MGAM: variants seen among roughly 807,000 people sequenced by gnomAD.
MGAM encodes maltase-glucoamylase, also known as alpha-1,4-glucosidase.
A neutral mutation model predicts 358.8 loss-of-function variants in MGAM; 253 were observed. That is an observed-to-expected ratio of 0.71 (90% CI 0.64 to 0.78). MGAM has a LOEUF of 0.78. MGAM is among the 30% of genes least tolerant of loss of function. The pLI is 0.00. For missense variants in MGAM, 3,080 were observed against 3,432.6 expected (o/e 0.90, Z 2.57); for synonymous variants, 1,105 against 1,227.1 (o/e 0.90, Z 2.08).
In MGAM at chr7:142,056,881, T is replaced by A; in HGVS notation, c.3632T>A (p.Val1211Asp). ...PALTYRTTGG[V>D]LDFYVFLGPT... is the part of the protein sequence containing the mutation. ...TTGACATACCGCACCACAGGGGGAG[T>A]TCTGGACTTTTATGTGTTCTTGGGG... The change falls in exon 30 of 71, where the codon GTT becomes GAT. Residue 1211 changes from valine to aspartate, a missense_variant. Physicochemically the swap from Val to Asp is radical, Grantham distance 152 (BLOSUM62 -3). Coordinates refer to ENST00000475668, the MANE Select transcript of MGAM (RefSeq NM_001365693.1). The A allele has an allele frequency of 6.2e-7, 1 of 1,613,610 alleles. No individual in the cohort carries two copies. The highest frequency in any genetic ancestry group is 8.5e-7 in the Non-Finnish European group (1 of 1,179,780).
rs565781815 is a variant in MGAM, at chr7:142,079,513, T to C, written c.5847+505T>C. 1.4e-5 allele frequency among the ~76,000 whole-genome samples: 2 copies of C among 145,868 alleles called. 1 individual carries two copies. Among genetic ancestry groups the C allele is most frequent in the African/African-American group, 4.9e-5 (2 of 41,048 alleles). On this transcript the variant is annotated intron_variant, in intron 49 of 70. Transcript: ENST00000475668. ...AGGTTTGTGCTTGATCAATGTAAGA[T>C]GATATGTTCAGTTTGGGATACTGAA...
At chr7:142,098,121 G>C (rs1816110586) in intron 66 of MGAM, among the ~76,000 whole-genome samples, 1 of 152,096 alleles carries the variant, frequency 6.6e-6, no homozygotes, top group Non-Finnish European at 1.5e-5. Context: ...AATTACCTAA[G>C]GTAAGCAAGT....
In MGAM at chr7:142,054,746, T is replaced by A; in HGVS notation, c.3160-8T>A. 6.2e-7 allele frequency: 1 copy of A among 1,613,578 alleles called. No individual in the cohort carries two copies. Among genetic ancestry groups the A allele is most frequent in the Non-Finnish European group, 8.5e-7 (1 of 1,179,640 alleles). ...ATTGTTGCCTAAAATTGATTTCCTC[T>A]GGCCTAGATTTATGATCCCAACAAG... On this transcript the variant is annotated splice_region_variant and splice_polypyrimidine_tract_variant and intron_variant, in intron 26 of 70. Transcript: ENST00000475668.
rs576214182 is a variant in MGAM at position 142,073,724 on chromosome 7, T to G, written c.5187-361T>G. Among the ~76,000 whole-genome samples the G allele has an allele frequency of 2.7e-4, 40 of 146,382 alleles. 9 individuals carry two copies. The highest frequency in any genetic ancestry group is 1.4e-4 in the Non-Finnish European group (9 of 64,552). On this transcript the variant is annotated intron_variant, in intron 44 of 70. Coordinates refer to ENST00000475668, the MANE Select transcript of MGAM (RefSeq NM_001365693.1). ...GCACTGGACACTTCTCCTGAGGGCA[T>G]CATTGCTAAAGTGATCTGACTGAAC...
chr7:141,986,725 T>G (rs1554446293), intron 2 of MGAM, among the ~76,000 whole-genome samples: 1 of 152,232 alleles, frequency 6.6e-6, no homozygotes, highest in Non-Finnish European at 1.5e-5. Flanking sequence ...ACTGCCACAA[T>G]TTTAGCAATT....
intron 3 of MGAM, among the ~76,000 whole-genome samples, chr7:142,017,830 A>T (rs1554456790): frequency 2.0e-5 from 3 of 152,158 alleles, no homozygotes; most frequent in African/African-American, 7.2e-5. Flanking sequence ...TTTTCTGACC[A>T]TTTGCAAGGC....
chr7:142,070,974 T>C lies in MGAM; in HGVS notation c.5062-20T>C. 1 of 1,555,606 alleles carries C rather than the reference T, an allele frequency of 6.4e-7. No homozygotes were observed. The highest frequency in any genetic ancestry group is 1.1e-5 in the South Asian group (1 of 89,156). ...GGCCTGTCCTCTCCTTCATCATCTT[T>C]TACCTTCTTCTGCCCCCAGGGTGTG... On this transcript the variant is annotated intron_variant, in intron 43 of 70. Coordinates refer to ENST00000475668, the MANE Select transcript of MGAM (RefSeq NM_001365693.1).
intron 2 of MGAM, among the ~76,000 whole-genome samples, chr7:141,987,354 C>A (rs376909248): frequency 7.7e-4 from 117 of 152,320 alleles, no homozygotes; most frequent in African/African-American, 2.6e-3. Context: ...GACAAACAAG[C>A]ATTTTCAGTA....
chr7:142,082,163 T>G lies in MGAM; in HGVS notation c.6124T>G (p.Leu2042Val), dbSNP rs755314953. The change falls in exon 51 of 71, where the codon TTG (leucine) becomes GTG (valine). Residue 2042 changes from leucine (L) to valine (V), a missense_variant. Coordinates refer to ENST00000475668, the MANE Select transcript of MGAM (RefSeq NM_001365693.1). Reference protein sequence around the residue: ...ETEHTSYRRDLEWHTWGMFSR... With the variant: ...ETEHTSYRRDVEWHTWGMFSR... ...TGAGCACACGTCCTACAGGAGAGACTTGGAGTGGCACACTTGGGGGATGTT... is the reference window on the plus strand; with the variant it reads ...TGAGCACACGTCCTACAGGAGAGACGTGGAGTGGCACACTTGGGGGATGTT... 6.4e-7 allele frequency: 1 copy of G among 1,555,434 alleles called. No individual in the cohort carries two copies. The highest frequency in any genetic ancestry group is 1.1e-5 in the South Asian group (1 of 89,164).
chr7:142,022,593 C>G (rs1264444123), intron 7 of MGAM, among the ~76,000 whole-genome samples, 154 bp downstream of exon 7: 1 of 152,136 alleles, frequency 6.6e-6, no homozygotes, highest in Non-Finnish European at 1.5e-5. Context: ...TTACGTGGTT[C>G]TGGGTGTTAC....
intron 55 of MGAM, 75 bp from the exon 56 acceptor site, chr7:142,086,143 G>T: frequency 1.4e-6 from 2 of 1,434,120 alleles, no homozygotes; most frequent in South Asian, 2.5e-5. Flanking sequence ...TCGCCCTGGA[G>T]GAGTTCTCCT....
rs775791553 is a variant in MGAM at position 142,083,408 on chromosome 7, A to G, written c.6376A>G (p.Thr2126Ala). 1.9e-6 allele frequency: 3 copies of G among 1,543,000 alleles called. No individual in the cohort carries two copies. The highest frequency in any genetic ancestry group is 2.7e-6 in the Non-Finnish European group (3 of 1,123,354). ...PTPELVTQQY[T>A]ELIGRPVMVP... ...TCCAGAGCTTGTCACCCAGCAGTAC[A>G]CTGAGGTAGGGAGAAATCCAATTGT... Residue 2126 changes from threonine to alanine, a missense_variant, in exon 53 of 71, where the codon ACT (threonine) becomes GCT (alanine). Transcript: ENST00000475668.
At chr7:142,039,279 A>G (rs1452544223) in intron 19 of MGAM, among the ~76,000 whole-genome samples, 1 of 151,494 alleles carries the variant, frequency 6.6e-6, no homozygotes, top group Non-Finnish European at 1.5e-5. Context: ...CTAATTTTGT[A>G]TTTTTTGTAG....
In MGAM at chr7:142,106,044, T is replaced by G. The variant is rs1816836188; in HGVS notation, c.*153T>G. The G allele has an allele frequency of 3.2e-6, 2 of 630,886 alleles. No individual in the cohort carries two copies. Among genetic ancestry groups the G allele is most frequent in the Admixed American group, 5.2e-5 (2 of 38,582 alleles). 39.1% of individuals were successfully genotyped at this position (630,886 alleles called of 1,614,324 possible). ...TGTTATATGTTTTTTGTGTGAACCCTAAAGGTTAAACCTTAGCCCTGTGGG... is the reference window on the plus strand; with the variant it reads ...TGTTATATGTTTTTTGTGTGAACCCGAAAGGTTAAACCTTAGCCCTGTGGG... On this transcript the variant is annotated 3_prime_UTR_variant, in exon 71 of 71. Coordinates refer to ENST00000475668, the MANE Select transcript of MGAM (RefSeq NM_001365693.1).
intron 63 of MGAM, 100 bp downstream of exon 63, chr7:142,094,963 AT>A (rs138070479): frequency 0.025 from 21,630 of 852,044 alleles, 27 homozygotes; most frequent in Non-Finnish European, 0.029. Flanking sequence ...TATCTTTAAA[AT>A]TTTTTTTTTT....
At chr7:142,098,475 G>A (rs1419568851) in intron 66 of MGAM, among the ~76,000 whole-genome samples, 1 of 152,130 alleles carries the variant, frequency 6.6e-6, no homozygotes, top group African/African-American at 2.4e-5. Flanking sequence ...GATACAGGAA[G>A]CAGAGCATGT....
chr7:142,057,481 T>G (rs1811672862), intron 30 of MGAM, among the ~76,000 whole-genome samples: 1 of 136,070 alleles, frequency 7.3e-6, no homozygotes, highest in African/African-American at 2.8e-5. Context: ...GTGAGGAGTG[T>G]GATGTTGGTG....
chr7:142,104,051 A>G (rs148235480), intron 70 of MGAM, among the ~76,000 whole-genome samples: 2,828 of 152,084 alleles, frequency 0.019, 64 homozygotes, highest in African/African-American at 0.064. Context: ...ACAGGTTTTC[A>G]CTGTGTTAGC....
Position 142,100,857 on chromosome 7 carries a change from G to T in MGAM, c.7930G>T (p.Gly2644Cys), listed in dbSNP as rs1261672574. The T allele has an allele frequency of 3.7e-6, 6 of 1,613,248 alleles. No individual in the cohort carries two copies. The highest frequency in any genetic ancestry group is 2.7e-5 in the African/African-American group (2 of 74,926). ...IALDDEGTAGGWLFWDDGQSI... is the reference protein window; with the variant it reads ...IALDDEGTAGCWLFWDDGQSI... ...CTTGGATGATGAAGGAACTGCTGGGGGCTGGCTCTTCTGGGATGATGGGCA... is the reference window on the plus strand; with the variant it reads ...CTTGGATGATGAAGGAACTGCTGGGTGCTGGCTCTTCTGGGATGATGGGCA... The change falls in exon 68 of 71, where the codon GGC becomes TGC. Residue 2644 changes from glycine to cysteine, a missense_variant. By Grantham distance (159) the Gly-to-Cys change is radical. Coordinates refer to ENST00000475668, the MANE Select transcript of MGAM (RefSeq NM_001365693.1).
Sources: gnomAD v4.1 joint callset for allele counts (sites outside exome capture counted in the v4.1 genomes callset) on GRCh38, gnomAD v4.1.1 for gene constraint, MANE v1.5 for transcripts, NCBI Gene and HGNC (gene_info 2026-07-23, HGNC 2026-07-21) for gene names.